The following PLEKHH1 variants were observed in gnomAD, a reference collection of about 807,000 sequenced individuals.
PLEKHH1 encodes pleckstrin homology domain-containing family H member 1.
In PLEKHH1, 104 loss-of-function variants were observed where a neutral mutation model predicts 160.0. That is an observed-to-expected ratio of 0.65 (90% confidence interval 0.55 to 0.76). The LOEUF is 0.76. Ranked by LOEUF, PLEKHH1 falls within the 30% of genes least tolerant of loss-of-function variation. PLEKHH1 has a pLI of 0.00. For synonymous variants in PLEKHH1, 619 were observed against 678.4 expected (o/e 0.91, Z 1.36); for missense variants, 1,427 against 1,724.1 (o/e 0.83, Z 3.05).
Position 67,583,749 on chromosome 14 carries a change from T to C in PLEKHH1, c.3435T>C (p.Tyr1145=). ...EMAALMAQVE[Y]GDLEKPALPG... is the part of the protein sequence containing the mutation. ...ATATGCTTCTACCACAGGTAGAATA[T>C]GGGGACTTGGAGAAGCCTGCCCTGC... The change falls in exon 25 of 29, where the codon TAT becomes TAC. Residue 1145 remains tyrosine, a synonymous_variant. Transcript: ENST00000329153. The C allele has an allele frequency of 6.2e-7, 1 of 1,611,162 alleles. No homozygotes were observed. Among genetic ancestry groups the C allele is most frequent in the Non-Finnish European group, 8.5e-7 (1 of 1,178,662 alleles).
chr14:67,586,403 G>C, intron 28 of PLEKHH1: 3 of 1,349,128 alleles, frequency 2.2e-6, no homozygotes, highest in Non-Finnish European at 2.9e-6. Flanking sequence ...GGGTGCTTAC[G>C]TGCTCTTCTC....
rs778890465 is a variant in PLEKHH1 at position 67,585,599 on chromosome 14, T to C, written c.3731T>C (p.Leu1244Pro). 4 of 1,585,618 alleles carry C rather than the reference T, an allele frequency of 2.5e-6. No homozygotes were observed. The East Asian group carries it at 9.2e-5, about 36-fold the overall frequency. ...CAGCTGTCTTCCAAGGAGAACGCTCTGGTGTGGATTGCTGTGAATGAGGAT... is the reference window on the plus strand; with the variant it reads ...CAGCTGTCTTCCAAGGAGAACGCTCCGGTGTGGATTGCTGTGAATGAGGAT... ...PAQLSSKENA[L>P]VWIAVNEDGV... The change falls in exon 27 of 29, where the codon CTG (leucine) becomes CCG (proline). Residue 1244 changes from leucine to proline, a missense_variant. Physicochemically the swap from Leu to Pro is moderately conservative, Grantham distance 98. Transcript: ENST00000329153.
Position 67,574,219 on chromosome 14 carries a change from C to T in PLEKHH1, c.1927-23C>T, listed in dbSNP as rs2035516935. 6.4e-7 allele frequency: 1 copy of T among 1,565,048 alleles called. No homozygotes were observed. The highest frequency in any genetic ancestry group is 8.7e-7 in the Non-Finnish European group (1 of 1,153,892). On this transcript the variant is annotated intron_variant, in intron 13 of 28. Coordinates refer to ENST00000329153, the MANE Select transcript of PLEKHH1 (RefSeq NM_020715.3). This position sits in a 1 kb window ranked among gnomAD's most constrained non-coding sequence, Gnocchi z 4.2. ...TCCATTCTCCCAGCGTGCTGCCCCA[C>T]CCCCATATCTCGCCCTCCACAGCTC... is the stretch of plus-strand genomic sequence containing the variant.
chr14:67,533,455 G>A (rs1677512478), intron 1 of PLEKHH1, 57 bp downstream of exon 1: 1 of 151,994 alleles, frequency 6.6e-6, no homozygotes, highest in African/African-American at 2.4e-5. Flanking sequence ...GCGGCGGAGG[G>A]CGTCAGGCTG....
chr14:67,559,085 A>G (rs1474159797), intron 4 of PLEKHH1, among the ~76,000 whole-genome samples: 1 of 152,218 alleles, frequency 6.6e-6, no homozygotes, highest in Non-Finnish European at 1.5e-5. Context: ...GATTATAGGC[A>G]TGAGCCACCA....
In PLEKHH1 at chr14:67,570,018, A is replaced by T. The variant is rs748191491; in HGVS notation, c.1434+6A>T. The T allele has an allele frequency of 1.3e-6, 2 of 1,555,952 alleles. No homozygotes were observed. The highest frequency in any genetic ancestry group is 1.7e-5 in the Admixed American group (1 of 57,364). On this transcript the variant is annotated splice_donor_region_variant and intron_variant, in intron 9 of 28. Coordinates refer to ENST00000329153, the MANE Select transcript of PLEKHH1 (RefSeq NM_020715.3). ...TCTACACAGCACTGAAGGGGGTAAG[A>T]AACTGCTGCACAAAGAGGGGGTGTC...
At position 67,578,685 on chromosome 14, in the gene PLEKHH1, GA is replaced by G; in HGVS notation, c.2849+56del. On this transcript the variant is annotated intron_variant, in intron 20 of 28. Transcript: ENST00000329153. The surrounding 1 kb of genome is among the most constrained non-coding windows in gnomAD (Gnocchi z 5.0). The stretch of plus-strand genomic sequence containing the variant: ...ACTTGAGCACTGCCAACTGCCGCAT[GA>G]ATAAGAGGGATGAGAGGAGTCTAGG... 8.9e-7 allele frequency: 1 copy of G among 1,118,226 alleles called. No homozygotes were observed. The highest frequency in any genetic ancestry group is 1.3e-6 in the Non-Finnish European group (1 of 750,258). The allele number at this position is 1,118,226 out of a possible 1,614,324, so 69.3% of individuals were successfully genotyped here. A position where few individuals can be genotyped will look rare whatever the true frequency, so the allele number is the denominator to read the frequency against.
chr14:67,568,334 TAACGTAGG>T (rs1323935103), intron 7 of PLEKHH1, among the ~76,000 whole-genome samples: 1 of 150,266 alleles, frequency 6.7e-6, no homozygotes, highest in Non-Finnish European at 1.5e-5. Flanking sequence ...TTCAGCAAAC[TAACGTAGG>T]AACAAGAAAA....
In PLEKHH1 at chr14:67,579,736, G is replaced by T; in HGVS notation, c.3043G>T (p.Gly1015Cys). The T allele has an allele frequency of 6.2e-7, 1 of 1,612,724 alleles. No individual in the cohort carries two copies. The highest frequency in any genetic ancestry group is 8.5e-7 in the Non-Finnish European group (1 of 1,179,484). Residue 1015 changes from glycine (G) to cysteine (C), a missense_variant, in exon 22 of 29, where the codon GGC becomes TGC. Coordinates refer to ENST00000329153, the MANE Select transcript of PLEKHH1 (RefSeq NM_020715.3). ...NGTYHVVGFD[G>C]SSTVDEFLQR... Reference sequence around the variant, plus strand: ...CCCGCCTCAGGTGGTTGGTTTTGACGGCTCTTCCACGGTTGATGAGTTCCT... The same window carrying T: ...CCCGCCTCAGGTGGTTGGTTTTGACTGCTCTTCCACGGTTGATGAGTTCCT...
intron 10 of PLEKHH1, 42 bp from the exon 11 acceptor site, chr14:67,572,093 G>A: frequency 1.9e-6 from 3 of 1,582,908 alleles, no homozygotes; most frequent in Non-Finnish European, 2.6e-6. Context: ...GTGAGTCGGG[G>A]AGGTGTGGGA....
chr14:67,537,971 G>A (rs1480555152), intron 1 of PLEKHH1, among the ~76,000 whole-genome samples: 1 of 152,194 alleles, frequency 6.6e-6, no homozygotes, highest in Admixed American at 6.5e-5. Context: ...TAGCAGGCTG[G>A]GTGCCAGCAG....
chr14:67,538,382 C>T (rs1055114404), intron 1 of PLEKHH1, among the ~76,000 whole-genome samples: 2 of 152,170 alleles, frequency 1.3e-5, no homozygotes, highest in African/African-American at 4.8e-5. Context: ...TTCATTGTGA[C>T]TAATTGTGTT....
rs1261772728 is a variant in PLEKHH1 at position 67,587,514 on chromosome 14, A to G, written c.*279A>G. Reference sequence around the variant, plus strand: ...TACCTGATTCTAGACATAGACAGGGATGATCCACTGTTACTGAGGGCATCA... The same window carrying G: ...TACCTGATTCTAGACATAGACAGGGGTGATCCACTGTTACTGAGGGCATCA... On this transcript the variant is annotated 3_prime_UTR_variant, in exon 29 of 29. Coordinates refer to ENST00000329153, the MANE Select transcript of PLEKHH1 (RefSeq NM_020715.3). 1 of 457,364 alleles carries G rather than the reference A, an allele frequency of 2.2e-6. No homozygotes were observed. The highest frequency in any genetic ancestry group is 2.0e-5 in the African/African-American group (1 of 50,306). 28.3% of individuals were successfully genotyped at this position (457,364 alleles called of 1,614,324 possible).
chr14:67,576,688 C>G lies in PLEKHH1; in HGVS notation c.2461+185C>G, dbSNP rs1415237608. ...TCCGGCTGAGATACTAAGGTGACCA[C>G]TCTGCATCTGGGGGAGTTTATCTGG... On this transcript the variant is annotated intron_variant, in intron 17 of 28. Coordinates refer to ENST00000329153, the MANE Select transcript of PLEKHH1 (RefSeq NM_020715.3). This position sits in a 1 kb window ranked among gnomAD's most constrained non-coding sequence, Gnocchi z 4.0. 1.3e-5 allele frequency among the ~76,000 whole-genome samples: 2 copies of G among 152,218 alleles called. No individual in the cohort carries two copies. Among genetic ancestry groups the G allele is most frequent in the Non-Finnish European group, 2.9e-5 (2 of 68,036 alleles).
rs2036204706 is a variant in PLEKHH1, at chr14:67,587,071, T to TA, written c.3934-2dup. On this transcript the variant is annotated splice_region_variant and splice_polypyrimidine_tract_variant and intron_variant, in intron 28 of 28. Coordinates refer to ENST00000329153, the MANE Select transcript of PLEKHH1 (RefSeq NM_020715.3). ...TTCCTTCACATCTCTGACCTCCTCT[T>TA]AGATTGCAGAAGCTACCTTCATCAT... is the stretch of plus-strand genomic sequence containing the variant. 6.3e-7 allele frequency: 1 copy of TA among 1,594,044 alleles called. No homozygotes were observed. The highest frequency in any genetic ancestry group is 1.3e-5 in the African/African-American group (1 of 74,598).
At chr14:67,585,793 G>A (rs2036129308) in intron 27 of PLEKHH1, 139 bp downstream of exon 27, 1 of 1,012,292 alleles carries the variant, frequency 9.9e-7, no homozygotes, top group Non-Finnish European at 1.5e-6. Context: ...CAGTCCTCTA[G>A]TCTAGACACT....
At chr14:67,534,832 C>A (rs78473384) in intron 1 of PLEKHH1, among the ~76,000 whole-genome samples, 3 of 151,942 alleles carry the variant, frequency 2.0e-5, no homozygotes, top group African/African-American at 7.3e-5. Context: ...TTAAAGTGTA[C>A]ATCATTTACC....
chr14:67,547,929 C>T (rs2034244530), intron 2 of PLEKHH1, among the ~76,000 whole-genome samples: 1 of 152,192 alleles, frequency 6.6e-6, no homozygotes, highest in Admixed American at 6.5e-5. Context: ...TTTGCTGTTA[C>T]ACCTCTGGGT....
At chr14:67,552,627 C>T (rs942486580) in intron 2 of PLEKHH1, among the ~76,000 whole-genome samples, 6 of 149,928 alleles carry the variant, frequency 4.0e-5, no homozygotes, top group African/African-American at 7.3e-5. Context: ...ATTAGCTGGG[C>T]GTGGTGGCGG....
Sources: allele counts gnomAD v4.1 joint callset (sites outside exome capture counted in the v4.1 genomes callset), GRCh38; gene constraint gnomAD v4.1.1; non-coding constraint Gnocchi (gnomAD v3.1); transcripts MANE v1.5; gene names NCBI Gene and HGNC (gene_info 2026-07-23, HGNC 2026-07-21).